ZNF264: variants seen among roughly 807,000 people sequenced by gnomAD.
ZNF264 encodes the protein zinc finger protein 264.
In ZNF264, 11 loss-of-function variants were observed where a neutral mutation model predicts 11.2. The observed-to-expected ratio is 0.98, with a 90% CI of 0.62 to 1.63. The LOEUF (loss-of-function observed/expected upper bound fraction) is 1.63, where lower values mean the gene tolerates loss of function less well. Among genes scored for constraint, ZNF264 ranks in the 40% most tolerant of loss-of-function variants. ZNF264 has a pLI of 0.00. For missense variants in ZNF264, 752 were observed against 768.1 expected, an observed-to-expected ratio of 0.98 and a Z score of 0.25; for synonymous variants, 309 against 279.8, an observed-to-expected ratio of 1.10 and a Z score of -1.04.
intron 2 of ZNF264, among the ~76,000 whole-genome samples, chr19:57,196,955 C>T (rs2087216119): frequency 6.6e-6 from 1 of 151,972 alleles, no homozygotes; most frequent in African/African-American, 2.4e-5. Flanking sequence ...AAGTTCTGCC[C>T]ACTGGGAAAT....
In ZNF264 at chr19:57,212,083, G is replaced by A. The variant is rs925272605; in HGVS notation, c.986G>A (p.Gly329Asp). ...ECGQVFRHRP[G>D]FLRHYVVHSG... ...GGCCAAGTCTTTCGACATAGGCCAG[G>A]CTTTCTCCGGCACTATGTTGTCCAC... is the stretch of plus-strand genomic sequence containing the variant. Residue 329 changes from glycine (G) to aspartate (D), a missense_variant, in exon 4 of 4, where the codon GGC becomes GAC. Transcript: ENST00000263095. The A allele has an allele frequency of 6.2e-7, 1 of 1,614,078 alleles. No homozygotes were observed. Among genetic ancestry groups the A allele is most frequent in the Non-Finnish European group, 8.5e-7 (1 of 1,180,026 alleles).
chr19:57,201,809 G>T (rs148016089), intron 2 of ZNF264, among the ~76,000 whole-genome samples: 3 of 151,860 alleles, frequency 2.0e-5, no homozygotes, highest in Admixed American at 6.6e-5. Context: ...CCAGCATCTC[G>T]CAGCCTTCCC....
chr19:57,202,986 C>A (rs373820961), intron 2 of ZNF264, among the ~76,000 whole-genome samples: 1 of 152,122 alleles, frequency 6.6e-6, no homozygotes, highest in Non-Finnish European at 1.5e-5. Flanking sequence ...GGACACCCCC[C>A]ACTGGTGTCT....
chr19:57,202,031 C>A (rs1331260174), intron 2 of ZNF264, among the ~76,000 whole-genome samples: 1 of 151,592 alleles, frequency 6.6e-6, no homozygotes, highest in East Asian at 1.9e-4. Flanking sequence ...TAAAGTGAGA[C>A]CCAGCCTCTA....
rs201201215 is a variant in ZNF264 at position 57,193,875 on chromosome 19, G to A, written c.34G>A (p.Val12Met). 8.9e-5 allele frequency: 144 copies of A among 1,613,860 alleles called. No homozygotes were observed. The highest frequency in any genetic ancestry group is 1.1e-4 in the Non-Finnish European group (131 of 1,179,954). ...AAAVLTDRAQVSVTFDDVAVT... is the reference protein window; with the variant it reads ...AAAVLTDRAQMSVTFDDVAVT... ...CTACTAATTCTGTTTGACTTTCCAG[G>A]TGTCTGTGACCTTTGATGATGTGGC... is the stretch of plus-strand genomic sequence containing the variant. The change falls in exon 2 of 4, where the codon GTG becomes ATG. Residue 12 changes from valine to methionine, a missense_variant and splice_region_variant. Val to Met is a conservative substitution (Grantham distance 21). Coordinates refer to ENST00000263095, the MANE Select transcript of ZNF264 (RefSeq NM_003417.5).
chr19:57,211,544 G>GA lies in ZNF264; in HGVS notation c.447_448insA (p.Ser150IlefsTer8). 6.2e-7 allele frequency: 1 copy of GA among 1,614,082 alleles called. No individual in the cohort carries two copies. The highest frequency in any genetic ancestry group is 1.1e-5 in the South Asian group (1 of 91,082). The stretch of plus-strand genomic sequence containing the variant: ...GACCAGGAATAGATCCCCAGGAGAA[G>GA]TCTCCTGGGAAGATGAGCCCTGAAT... On this transcript the variant is annotated frameshift_variant, in exon 4 of 4. Transcript: ENST00000263095. LOFTEE classifies it low-confidence loss of function (END_TRUNC).
chr19:57,205,615 ACT>A, intron 3 of ZNF264, 123 bp downstream of exon 3: 2 of 817,810 alleles, frequency 2.4e-6, no homozygotes, highest in Admixed American at 2.1e-5. Flanking sequence ...CTCTTATATA[ACT>A]CTATCACACT....
rs2087420459 is a variant in ZNF264, at chr19:57,221,954, G to A, written c.*8973G>A. On this transcript the variant is annotated 3_prime_UTR_variant, in exon 4 of 4. Coordinates refer to ENST00000263095, the MANE Select transcript of ZNF264 (RefSeq NM_003417.5). ...CCTGCTGTTTTATACAGTGACTTAA[G>A]TGGTACTAAAATGCTATATAAGTCA... 6.6e-6 allele frequency: 1 copy of A among 152,148 alleles called. No homozygotes were observed. The highest frequency in any genetic ancestry group is 6.5e-5 in the Admixed American group (1 of 15,268). The allele number at this position is 152,148 out of a possible 1,614,324, so 9.4% of individuals were successfully genotyped here. A position where few individuals can be genotyped will look rare whatever the true frequency, so the allele number is the denominator to read the frequency against.
In ZNF264 at chr19:57,218,312, A is replaced by G. The variant is rs1019362576; in HGVS notation, c.*5331A>G. On this transcript the variant is annotated 3_prime_UTR_variant, in exon 4 of 4. Coordinates refer to ENST00000263095, the MANE Select transcript of ZNF264 (RefSeq NM_003417.5). ...TCTCTGTTCTGTACATTATTGTTTA[A>G]TATAAGAAACCTACTAGCATTCAAA... 2.6e-5 allele frequency: 4 copies of G among 152,132 alleles called. No individual in the cohort carries two copies. Among genetic ancestry groups the G allele is most frequent in the African/African-American group, 9.7e-5 (4 of 41,426 alleles). 9.4% of individuals were successfully genotyped at this position (152,132 alleles called of 1,614,324 possible). A position where few individuals can be genotyped will look rare whatever the true frequency, so the allele number is the denominator to read the frequency against.
chr19:57,216,135 C>T lies in ZNF264; in HGVS notation c.*3154C>T, dbSNP rs1188036238. ...TGAGACCACTAAGGCAGGTGGATCACCTGAGGCCAGGAGTTCGAGACCAGC... is the reference window on the plus strand; with the variant it reads ...TGAGACCACTAAGGCAGGTGGATCATCTGAGGCCAGGAGTTCGAGACCAGC... On this transcript the variant is annotated 3_prime_UTR_variant, in exon 4 of 4. Coordinates refer to ENST00000263095, the MANE Select transcript of ZNF264 (RefSeq NM_003417.5). 2 of 152,276 alleles carry T rather than the reference C, an allele frequency of 1.3e-5. No individual in the cohort carries two copies. Among genetic ancestry groups the T allele is most frequent in the Non-Finnish European group, 2.9e-5 (2 of 68,102 alleles). 9.4% of individuals were successfully genotyped at this position (152,276 alleles called of 1,614,324 possible).
chr19:57,212,242 A>C lies in ZNF264; in HGVS notation c.1145A>C (p.Glu382Ala), dbSNP rs931551526. 1 of 1,614,014 alleles carries C rather than the reference A, an allele frequency of 6.2e-7. No homozygotes were observed. The highest frequency in any genetic ancestry group is 1.3e-5 in the African/African-American group (1 of 74,976). Reference sequence around the variant, plus strand: ...AGTGAATGTGGGAAGGTCTTCTTGGAGAGTGCAGCCCTGATTCACCACTAT... The same window carrying C: ...AGTGAATGTGGGAAGGTCTTCTTGGCGAGTGCAGCCCTGATTCACCACTAT... ...ECSECGKVFL[E>A]SAALIHHYVI... The change falls in exon 4 of 4, where the codon GAG becomes GCG. Residue 382 changes from glutamate (E) to alanine (A), a missense_variant. Coordinates refer to ENST00000263095, the MANE Select transcript of ZNF264 (RefSeq NM_003417.5).
At chr19:57,194,720 G>A (rs148088229) in intron 2 of ZNF264, 3 of 398,776 alleles carry the variant, frequency 7.5e-6, no homozygotes, top group Non-Finnish European at 1.3e-5. Context: ...TTAAGGGGGG[G>A]GTCTGCCTTT....
Position 57,218,220 on chromosome 19 carries a change from G to T in ZNF264, c.*5239G>T, listed in dbSNP as rs902525604. On this transcript the variant is annotated 3_prime_UTR_variant, in exon 4 of 4. Transcript: ENST00000263095. Reference sequence around the variant, plus strand: ...TCTTTATGTTTCCTTCATTCCCAAAGAATATTTTTGTGGAATATAAGATTC... The same window carrying T: ...TCTTTATGTTTCCTTCATTCCCAAATAATATTTTTGTGGAATATAAGATTC... 1 of 151,990 alleles carries T rather than the reference G, an allele frequency of 6.6e-6. No individual in the cohort carries two copies. The highest frequency in any genetic ancestry group is 1.5e-5 in the Non-Finnish European group (1 of 68,014). The allele number at this position is 151,990 out of a possible 1,614,324, so 9.4% of individuals were successfully genotyped here. A position where few individuals can be genotyped will look rare whatever the true frequency, so the allele number is the denominator to read the frequency against.
In ZNF264 at chr19:57,212,891, C is replaced by A; in HGVS notation, c.1794C>A (p.Thr598=). The change falls in exon 4 of 4, where the codon ACC becomes ACA. Residue 598 remains threonine (T), a synonymous_variant. Coordinates refer to ENST00000263095, the MANE Select transcript of ZNF264 (RefSeq NM_003417.5). Reference sequence around the variant, plus strand: ...TAGGGAAGGACTTTTTGAATGTAACCACTGAGGCAAATATTTTGCCAGAGG... The same window carrying A: ...TAGGGAAGGACTTTTTGAATGTAACAACTGAGGCAAATATTTTGCCAGAGG... ...LLLGKDFLNV[T]TEANILPEET... 6.2e-7 allele frequency: 1 copy of A among 1,614,174 alleles called. No homozygotes were observed. The highest frequency in any genetic ancestry group is 8.5e-7 in the Non-Finnish European group (1 of 1,180,026).
chr19:57,209,601 A>G (rs997295746), intron 3 of ZNF264, among the ~76,000 whole-genome samples: 2 of 152,054 alleles, frequency 1.3e-5, no homozygotes, highest in African/African-American at 4.8e-5. Context: ...TTTAAGAGAA[A>G]AGGTCTTGCT....
chr19:57,204,080 G>T (rs1001251461), intron 2 of ZNF264, among the ~76,000 whole-genome samples: 4 of 152,064 alleles, frequency 2.6e-5, no homozygotes, highest in Non-Finnish European at 5.9e-5. Flanking sequence ...CCAGCTCCTC[G>T]GGAGGCTGAG....
chr19:57,192,017 G>A, intron 1 of ZNF264, 71 bp downstream of exon 1: 2 of 1,374,942 alleles, frequency 1.5e-6, no homozygotes, highest in South Asian at 1.5e-5. Flanking sequence ...GTGGGTGGGA[G>A]CCCAGGTATC....
intron 2 of ZNF264, among the ~76,000 whole-genome samples, chr19:57,201,968 A>G (rs925727338): frequency 5.9e-5 from 9 of 151,818 alleles, no homozygotes; most frequent in African/African-American, 2.2e-4. Context: ...TCCCAGCAGT[A>G]TGGGAGGCAA....
At position 57,202,522 on chromosome 19, in the gene ZNF264, C is replaced by CT. The variant is rs370243716; in HGVS notation, c.161-2874dup. 2.0e-3 allele frequency among the ~76,000 whole-genome samples: 302 copies of CT among 151,930 alleles called. 13 individuals carry two copies. The highest frequency in any genetic ancestry group is 7.1e-3 in the African/African-American group (291 of 41,224). ...TCTGACCTCCTGCCCTCCTTTCGCTCTAACGTTCCTCCACCTTTCTGACTG... is the reference window on the plus strand; with the variant it reads ...TCTGACCTCCTGCCCTCCTTTCGCTCTTAACGTTCCTCCACCTTTCTGACTG... On this transcript the variant is annotated intron_variant, in intron 2 of 3. Transcript: ENST00000263095.
Sources: gnomAD v4.1 joint callset for allele counts (sites outside exome capture counted in the v4.1 genomes callset) on GRCh38, gnomAD v4.1.1 for gene constraint, MANE v1.5 for transcripts, NCBI Gene and HGNC (gene_info 2026-07-23, HGNC 2026-07-21) for gene names.